The following CNPY1 variants were observed in gnomAD, a reference collection of about 807,000 sequenced individuals.
CNPY1 encodes canopy FGF signaling regulator 1.
In CNPY1, 14 loss-of-function variants were observed where a neutral mutation model predicts 14.4. That is an observed-to-expected ratio of 0.97 (90% CI 0.64 to 1.52). The LOEUF (loss-of-function observed/expected upper bound fraction) is 1.52. Among genes scored for constraint, CNPY1 ranks in the 40% most tolerant of loss-of-function variants. The pLI is 0.00. For missense variants in CNPY1, 129 were observed against 131.5 expected, an observed-to-expected ratio of 0.98 and a Z score of 0.09; for synonymous variants, 43 against 46.5, an observed-to-expected ratio of 0.92 and a Z score of 0.31.
rs1043102589 is a variant in CNPY1, at chr7:155,536,509, G to C, written c.99+9322C>G. Among the ~76,000 whole-genome samples the C allele has an allele frequency of 2.4e-4, 37 of 152,170 alleles. 1 individual carries two copies. The highest frequency in any genetic ancestry group is 7.3e-5 in the Non-Finnish European group (5 of 68,028). The stretch of plus-strand genomic sequence containing the variant: ...CTTCCTCCTCCTGGACACACAGCTC[G>C]ACTGTTTCCAGCCCTTCTTCCAACT... On this transcript the variant is annotated intron_variant, in intron 2 of 4. Transcript: ENST00000636446. This position sits in a 1 kb window ranked among gnomAD's most constrained non-coding sequence, Gnocchi z 4.1.
At chr7:155,533,662 G>T (rs567622767) in intron 2 of CNPY1, 1 of 152,226 alleles carries the variant, frequency 6.6e-6, no homozygotes, top group Non-Finnish European at 1.5e-5. Flanking sequence ...AGCGCCGGGC[G>T]TTATGAAAAT....
chr7:155,515,302 C>G (rs796934868), intron 2 of CNPY1, among the ~76,000 whole-genome samples: 13,674 of 141,052 alleles, frequency 0.097, 964 homozygotes, highest in Non-Finnish European at 0.12. Context: ...CCGCCCCCCC[C>G]CCCCCCGGCC....
At chr7:155,506,394 T>C (rs1337254690) in intron 4 of CNPY1, among the ~76,000 whole-genome samples, 3 of 152,242 alleles carry the variant, frequency 2.0e-5, no homozygotes, top group African/African-American at 4.8e-5. Context: ...CTTTCAACTT[T>C]GTATATTATA....
chr7:155,539,693 A>G (rs1797062323), intron 2 of CNPY1, among the ~76,000 whole-genome samples: 2 of 152,136 alleles, frequency 1.3e-5, no homozygotes, highest in Admixed American at 6.5e-5. Context: ...AACGGGGGGA[A>G]AAAAGCAGAC....
rs76388014 is a variant in CNPY1 at position 155,543,794 on chromosome 7, A to T, written c.99+2037T>A. On this transcript the variant is annotated intron_variant, in intron 2 of 4. Transcript: ENST00000636446. ...TCTCCGTGTGATGCTGGCCTGGGCT[A>T]CTTCTGGCTGAGCAGGAGCCCTGGG... Among the ~76,000 whole-genome samples the T allele has an allele frequency of 7.8e-3, 1,186 of 152,306 alleles. 21 individuals carry two copies. The highest frequency in any genetic ancestry group is 0.027 in the African/African-American group (1,106 of 41,554).
intron 2 of CNPY1, among the ~76,000 whole-genome samples, chr7:155,528,705 C>G (rs1796875509): frequency 6.6e-6 from 1 of 152,212 alleles, no homozygotes; most frequent in African/African-American, 2.4e-5. Context: ...CCTTCTTGGT[C>G]TTCCTGCACT....
intron 2 of CNPY1, among the ~76,000 whole-genome samples, chr7:155,514,369 G>A (rs80335397): frequency 0.023 from 3,486 of 152,234 alleles, 139 homozygotes; most frequent in African/African-American, 0.08. Flanking sequence ...ATCGATTGTC[G>A]TCAACTGTTT....
intron 2 of CNPY1, among the ~76,000 whole-genome samples, chr7:155,534,069 C>T (rs1485478761): frequency 6.6e-6 from 1 of 152,152 alleles, no homozygotes; most frequent in Non-Finnish European, 1.5e-5. Context: ...CTGCGTCCCC[C>T]TAGGACACTG....
intron 2 of CNPY1, among the ~76,000 whole-genome samples, chr7:155,528,996 G>A (rs979867123): frequency 2.0e-5 from 3 of 151,904 alleles, no homozygotes; most frequent in African/African-American, 7.3e-5. Context: ...AGAAGGCGGA[G>A]CTTGCAGTGA....
At chr7:155,509,539 A>G (rs1796457285) in intron 2 of CNPY1, among the ~76,000 whole-genome samples, 1 of 151,344 alleles carries the variant, frequency 6.6e-6, no homozygotes, top group African/African-American at 2.4e-5. Context: ...AGAGGGAGGG[A>G]GAGAGAGCGA....
intron 3 of CNPY1, among the ~76,000 whole-genome samples, chr7:155,507,471 T>TA (rs35711313): frequency 0.18 from 9,895 of 54,112 alleles, 1,610 homozygotes; most frequent in Non-Finnish European, 0.21. Flanking sequence ...GTTTTTAAAC[T>TA]AAAAAAAAAA....
At chr7:155,530,296 C>CTTTTT (rs11386824) in intron 2 of CNPY1, among the ~76,000 whole-genome samples, 43 of 96,940 alleles carry the variant, frequency 4.4e-4, no homozygotes, top group Middle Eastern at 0.01. Context: ...CCAGCAGGGT[C>CTTTTT]TTTTTTTTTT....
chr7:155,503,134 T>C, intron 4 of CNPY1, 29 bp from the exon 5 acceptor site: 1 of 1,561,498 alleles, frequency 6.4e-7, no homozygotes. Context: ...GTAGATAGCA[T>C]CATTATCACT....
chr7:155,528,867 T>C (rs916971079), intron 2 of CNPY1, among the ~76,000 whole-genome samples: 3 of 152,296 alleles, frequency 2.0e-5, no homozygotes, highest in Admixed American at 6.5e-5. Flanking sequence ...AAGACCATCC[T>C]GGCTAACATG....
chr7:155,523,342 C>T (rs940006858), intron 2 of CNPY1, among the ~76,000 whole-genome samples: 10 of 152,282 alleles, frequency 6.6e-5, no homozygotes, highest in African/African-American at 1.7e-4. Context: ...CAGCCATGCA[C>T]GGGTCGGTGT....
rs549393145 is a variant in CNPY1 at position 155,503,227 on chromosome 7, A to T, written c.401-122T>A. 2.1e-5 allele frequency: 17 copies of T among 800,834 alleles called. No individual in the cohort carries two copies. In the Admixed American group the frequency reaches 4.7e-4, roughly 22 times the overall value. 49.6% of individuals were successfully genotyped at this position (800,834 alleles called of 1,614,324 possible). On this transcript the variant is annotated intron_variant, in intron 4 of 4. Coordinates refer to ENST00000636446, the MANE Select transcript of CNPY1 (RefSeq NM_001393663.1). ...CATATTTTAAAAACTTTTATTATGG[A>T]AATTTTCCCAAAATGTTATTATAGA...
chr7:155,537,693 G>A (rs1043805507), intron 2 of CNPY1, among the ~76,000 whole-genome samples: 4 of 152,082 alleles, frequency 2.6e-5, no homozygotes, highest in Admixed American at 2.0e-4. Flanking sequence ...CCAAAGTGCC[G>A]GGATTACAAG....
intron 2 of CNPY1, among the ~76,000 whole-genome samples, chr7:155,544,183 G>T (rs888185678): frequency 6.8e-6 from 1 of 146,846 alleles, no homozygotes; most frequent in Non-Finnish European, 1.5e-5. Flanking sequence ...GTCCCTGCAC[G>T]GCCCTCCATC....
chr7:155,534,294 C>G (rs1436118881), intron 2 of CNPY1, among the ~76,000 whole-genome samples: 1 of 152,106 alleles, frequency 6.6e-6, no homozygotes, highest in Non-Finnish European at 1.5e-5. Context: ...CACACACACA[C>G]TCACACGTGC....
Sources: gnomAD v4.1 joint callset for allele counts (sites outside exome capture counted in the v4.1 genomes callset) on GRCh38, gnomAD v4.1.1 for gene constraint, Gnocchi (gnomAD v3.1) non-coding constraint, MANE v1.5 for transcripts, NCBI Gene and HGNC (gene_info 2026-07-23, HGNC 2026-07-21) for gene names.